Variants in CTNND2 observed in about 807,000 individuals in gnomAD.
CTNND2 encodes catenin delta 2, also known as catenin delta-2.
In CTNND2, 22 loss-of-function variants were observed where a neutral mutation model predicts 144.4. The observed-to-expected ratio is 0.15, with a 90% CI of 0.11 to 0.22. CTNND2 has a LOEUF of 0.22. CTNND2 is among the 10% of genes least tolerant of loss of function. The probability of loss-of-function intolerance (pLI) is 1.00; values close to 1 mark genes in which losing one functional copy is unlikely to be tolerated. For missense variants in CTNND2, 1,353 were observed against 1,618.8 expected, an observed-to-expected ratio of 0.84 and a Z score of 2.82; for synonymous variants, 751 against 695.6, an observed-to-expected ratio of 1.08 and a Z score of -1.25.
intron 15 of CTNND2, among the ~76,000 whole-genome samples, chr5:11,083,721 A>C (rs971759057): frequency 1.3e-5 from 2 of 152,260 alleles, no homozygotes; most frequent in African/African-American, 2.4e-5. Flanking sequence ...TACCTGTTGC[A>C]ATTTCATTTT....
chr5:11,157,798 T>C (rs58865055), intron 12 of CTNND2, among the ~76,000 whole-genome samples: 228 of 152,274 alleles, frequency 1.5e-3, no homozygotes, highest in African/African-American at 4.9e-3. Context: ...TGCTTCCTAT[T>C]ATGTGGTCAC....
chr5:11,826,475 T>C (rs1793604136), intron 1 of CTNND2, among the ~76,000 whole-genome samples: 1 of 151,938 alleles, frequency 6.6e-6, no homozygotes, highest in South Asian at 2.1e-4. Flanking sequence ...AACACAATGA[T>C]CAAAATGGTT....
At chr5:11,576,879 G>A (rs1040234810) in intron 2 of CTNND2, among the ~76,000 whole-genome samples, 2 of 152,086 alleles carry the variant, frequency 1.3e-5, no homozygotes, top group Non-Finnish European at 2.9e-5. Context: ...TCTCTTCGGT[G>A]GCTGGAGAAT....
intron 3 of CTNND2, among the ~76,000 whole-genome samples, chr5:11,450,172 T>C (rs1765173079): frequency 6.6e-6 from 1 of 152,228 alleles, no homozygotes; most frequent in African/African-American, 2.4e-5. Flanking sequence ...GCTTCTGACA[T>C]TTCTCTACCA....
chr5:11,792,466 C>T (rs971227063), intron 1 of CTNND2, among the ~76,000 whole-genome samples: 9 of 152,136 alleles, frequency 5.9e-5, no homozygotes, highest in African/African-American at 2.2e-4. Context: ...TCAATGAATG[C>T]ATGAATATTT....
At chr5:11,654,864 C>T (rs1782830090) in intron 2 of CTNND2, among the ~76,000 whole-genome samples, 1 of 152,032 alleles carries the variant, frequency 6.6e-6, no homozygotes, top group African/African-American at 2.4e-5. Context: ...CATCCACTGT[C>T]AAGGATGATG....
At chr5:11,017,437 C>A (rs1366162066) in intron 18 of CTNND2, among the ~76,000 whole-genome samples, 2 of 151,902 alleles carry the variant, frequency 1.3e-5, no homozygotes, top group African/African-American at 2.4e-5. Flanking sequence ...CTGTGAGGTT[C>A]TCAGGGGCTT....
chr5:11,452,983 G>A (rs1765427746), intron 3 of CTNND2, among the ~76,000 whole-genome samples: 1 of 152,176 alleles, frequency 6.6e-6, no homozygotes, highest in Non-Finnish European at 1.5e-5. Flanking sequence ...ATGAGTTCCT[G>A]TTGTGTTTGA....
At chr5:11,850,658 A>G (rs975354923) in intron 1 of CTNND2, among the ~76,000 whole-genome samples, 2 of 152,218 alleles carry the variant, frequency 1.3e-5, no homozygotes, top group Non-Finnish European at 2.9e-5. Context: ...ACAAAAGATA[A>G]TAACACCCAG....
chr5:11,232,447 G>A (rs1296497847), intron 10 of CTNND2, among the ~76,000 whole-genome samples: 5 of 152,230 alleles, frequency 3.3e-5, no homozygotes, highest in Admixed American at 6.5e-5. Flanking sequence ...CGTGACCTGC[G>A]AGTGAGACAT....
intron 11 of CTNND2, among the ~76,000 whole-genome samples, chr5:11,168,739 T>C (rs1759603104): frequency 6.6e-6 from 1 of 152,188 alleles, no homozygotes; most frequent in African/African-American, 2.4e-5. Context: ...TCTTGGTAGT[T>C]TTGTGCCCTG....
chr5:11,329,783 C>T (rs1039015191), intron 9 of CTNND2, among the ~76,000 whole-genome samples: 2 of 152,104 alleles, frequency 1.3e-5, no homozygotes, highest in Non-Finnish European at 2.9e-5. Context: ...AGCAAATGCC[C>T]GATTCTCAGC....
intron 2 of CTNND2, among the ~76,000 whole-genome samples, chr5:11,624,188 A>C (rs1280191143): frequency 6.6e-6 from 1 of 152,054 alleles, no homozygotes; most frequent in Non-Finnish European, 1.5e-5. Context: ...AAAGGTTTTA[A>C]GGTAAAATCT....
chr5:11,577,341 C>G (rs1294117643), intron 2 of CTNND2, among the ~76,000 whole-genome samples: 2 of 152,114 alleles, frequency 1.3e-5, no homozygotes, highest in Admixed American at 1.3e-4. Flanking sequence ...GTTGACAGTT[C>G]TAAGTCTAGT....
At chr5:11,504,767 T>C (rs1770861234) in intron 3 of CTNND2, among the ~76,000 whole-genome samples, 1 of 152,174 alleles carries the variant, frequency 6.6e-6, no homozygotes, top group Non-Finnish European at 1.5e-5. Context: ...AGCCACTGCC[T>C]GAGCCTGGGA....
intron 17 of CTNND2, among the ~76,000 whole-genome samples, chr5:11,018,856 G>T (rs535806666): frequency 1.3e-5 from 2 of 151,976 alleles, no homozygotes; most frequent in African/African-American, 2.4e-5. Flanking sequence ...GATTACAGGC[G>T]TGTGCCACCA....
At chr5:11,863,349 T>C (rs1410920962) in intron 1 of CTNND2, among the ~76,000 whole-genome samples, 1 of 152,162 alleles carries the variant, frequency 6.6e-6, no homozygotes, top group Non-Finnish European at 1.5e-5. Context: ...TTTTGCTCAA[T>C]GGGAATAAAT....
chr5:11,791,486 T>C (rs541763079), intron 1 of CTNND2, among the ~76,000 whole-genome samples: 2 of 152,308 alleles, frequency 1.3e-5, no homozygotes, highest in South Asian at 4.1e-4. Flanking sequence ...GGTCAGAGAA[T>C]AAATGGCATA....
At chr5:11,413,239 A>G (rs1761683169) in intron 3 of CTNND2, among the ~76,000 whole-genome samples, 1 of 152,238 alleles carries the variant, frequency 6.6e-6, no homozygotes, top group African/African-American at 2.4e-5. Flanking sequence ...GTGACATTAT[A>G]TAATAGTAAC....
Sources: allele counts gnomAD v4.1 joint callset (sites outside exome capture counted in the v4.1 genomes callset), GRCh38; gene constraint gnomAD v4.1.1; transcripts MANE v1.5; gene names NCBI Gene and HGNC (gene_info 2026-07-23, HGNC 2026-07-21).